Variants in PLEKHA1 observed in about 807,000 individuals in gnomAD.
PLEKHA1 encodes pleckstrin homology domain-containing family A member 1.
A neutral mutation model predicts 52.0 loss-of-function variants in PLEKHA1; 34 were observed. That is an observed-to-expected ratio of 0.65 (90% CI 0.50 to 0.87). The LOEUF (loss-of-function observed/expected upper bound fraction) is 0.87. Among genes scored for constraint, PLEKHA1 ranks in the 40% least tolerant of loss-of-function variants. The pLI, the probability that PLEKHA1 is intolerant of heterozygous loss-of-function variation, is 0.00. For missense variants in PLEKHA1, 497 were observed against 504.2 expected, an observed-to-expected ratio of 0.99 and a Z score of 0.14; for synonymous variants, 163 against 170.7, an observed-to-expected ratio of 0.95 and a Z score of 0.35.
the PLEKHA1 span, chr10:122,438,868 TA>T: frequency 0.77 from 115,017 of 149,082 alleles, 44,873 homozygotes; most frequent in Admixed American, 0.83. Context: ...GCTGATGAGC[TA>T]AAAAAAAAAA....
intron 4 of PLEKHA1, among the ~76,000 whole-genome samples, chr10:122,401,428 G>T (rs2096927552): frequency 6.6e-6 from 1 of 152,098 alleles, no homozygotes; most frequent in Admixed American, 6.6e-5. Flanking sequence ...AGTTAGGGTG[G>T]TGGCAATAGG....
chr10:122,431,644 A>G lies in PLEKHA1; in HGVS notation c.*1706A>G, dbSNP rs2097417924. 1 of 152,680 alleles carries G rather than the reference A, an allele frequency of 6.5e-6. No individual in the cohort carries two copies. The highest frequency in any genetic ancestry group is 2.4e-5 in the African/African-American group (1 of 41,472). The allele number at this position is 152,680 out of a possible 1,614,324, so 9.5% of individuals were successfully genotyped here. Reference sequence around the variant, plus strand: ...TGCAGTCCAGAGGTTAAGATGTATTAGAATTATACAATATCAGTTTAAAAA... The same window carrying G: ...TGCAGTCCAGAGGTTAAGATGTATTGGAATTATACAATATCAGTTTAAAAA... On this transcript the variant is annotated 3_prime_UTR_variant, in exon 12 of 12. Transcript: ENST00000368990.
chr10:122,407,902 A>G (rs1237251420), intron 5 of PLEKHA1, among the ~76,000 whole-genome samples: 1 of 152,216 alleles, frequency 6.6e-6, no homozygotes, highest in Admixed American at 6.5e-5. Context: ...ATATCACAAC[A>G]CAATAAAGAG....
At chr10:122,425,223 T>C in intron 10 of PLEKHA1, 1 of 289,306 alleles carries the variant, frequency 3.5e-6, no homozygotes, top group Non-Finnish European at 6.3e-6. Context: ...GTTAAGTGTG[T>C]ACTTTCAAGT....
chr10:122,420,463 T>C (rs953558822), intron 8 of PLEKHA1: 1 of 152,194 alleles, frequency 6.6e-6, no homozygotes, highest in South Asian at 2.1e-4. Context: ...TTGTCTTGTT[T>C]CTTCTGTTTC....
intron 1 of PLEKHA1, among the ~76,000 whole-genome samples, chr10:122,375,206 C>A (rs552963985): frequency 2.8e-4 from 43 of 152,168 alleles, no homozygotes; most frequent in African/African-American, 9.9e-4. Context: ...CGAGAAATCC[C>A]GCTCGGGGCG....
At chr10:122,375,287 G>C (rs71486610) in intron 1 of PLEKHA1, among the ~76,000 whole-genome samples, 68,984 of 152,036 alleles carry the variant, frequency 0.45, 16,868 homozygotes, top group East Asian at 0.65. Flanking sequence ...CTGTGCCCGC[G>C]GGGCGCGCGT....
At chr10:122,428,440 C>CT in intron 11 of PLEKHA1, 1 of 1,420,768 alleles carries the variant, frequency 7.0e-7, no homozygotes, top group Non-Finnish European at 9.3e-7. Context: ...ACCAAACTGC[C>CT]TTTTGCAGTT....
At chr10:122,394,069 C>CTTTTTTT (rs796831792) in intron 2 of PLEKHA1, among the ~76,000 whole-genome samples, 1 of 97,206 alleles carries the variant, frequency 1.0e-5, no homozygotes. Context: ...ACTTTCTCTA[C>CTTTTTTT]TTTTTTTTTT....
chr10:122,421,612 G>C (rs1235930853), intron 8 of PLEKHA1: 1 of 151,928 alleles, frequency 6.6e-6, no homozygotes, highest in African/African-American at 2.4e-5. Context: ...TTCAATCCTT[G>C]TATAAATTCG....
At chr10:122,421,029 T>C (rs2097253347) in intron 8 of PLEKHA1, 1 of 152,216 alleles carries the variant, frequency 6.6e-6, no homozygotes, top group South Asian at 2.1e-4. Flanking sequence ...GTATGTATGA[T>C]GAGGAATGAA....
intron 2 of PLEKHA1, among the ~76,000 whole-genome samples, chr10:122,395,374 A>G (rs1164809857): frequency 6.6e-6 from 1 of 152,124 alleles, no homozygotes; most frequent in Admixed American, 6.5e-5. Context: ...CAGCCAGTGT[A>G]TTAGCCATTA....
At chr10:122,439,812 T>G in the PLEKHA1 span, 3 of 152,242 alleles carry the variant, frequency 2.0e-5, no homozygotes, top group Non-Finnish European at 4.4e-5. Flanking sequence ...CCTCTCAACC[T>G]GGTGCTCTTT....
Position 122,424,177 on chromosome 10 carries a change from T to TTG in PLEKHA1, c.682-21_682-20insGT, listed in dbSNP as rs2097304195. 8 of 1,381,382 alleles carry TTG rather than the reference T, an allele frequency of 5.8e-6. No homozygotes were observed. In the East Asian group the frequency reaches 2.1e-4, roughly 37 times the overall value. 85.6% of individuals were successfully genotyped at this position (1,381,382 alleles called of 1,614,324 possible). A position where few individuals can be genotyped will look rare whatever the true frequency, so the allele number is the denominator to read the frequency against. On this transcript the variant is annotated intron_variant, in intron 8 of 11. Coordinates refer to ENST00000368990, the MANE Select transcript of PLEKHA1 (RefSeq NM_001001974.4). ...GAATAAACATCATGTAACTGTTTTT[T>TTG]TTTTTTTTTTTTTTTTGCCAGGAAA... is the stretch of plus-strand genomic sequence containing the variant.
In PLEKHA1 at chr10:122,428,327, A is replaced by G. The variant is rs1009081716; in HGVS notation, c.900+1296A>G. 7.1e-6 allele frequency: 11 copies of G among 1,546,746 alleles called. No individual in the cohort carries two copies. The Admixed American group carries it at 2.0e-4, about 28-fold the overall frequency. ...CCCTTGTATACAGAGGTATACATCA[A>G]GAGCTGGTGAATGCAGCACGTATGT... On this transcript the variant is annotated intron_variant, in intron 11 of 11. Coordinates refer to ENST00000368990, the MANE Select transcript of PLEKHA1 (RefSeq NM_001001974.4).
intron 1 of PLEKHA1, among the ~76,000 whole-genome samples, chr10:122,382,804 A>G (rs569112872): frequency 1.3e-5 from 2 of 152,312 alleles, no homozygotes; most frequent in South Asian, 2.1e-4. Flanking sequence ...TTTTAAATAT[A>G]ATCATATCAA....
intron 1 of PLEKHA1, among the ~76,000 whole-genome samples, chr10:122,388,476 A>G (rs1230035064): frequency 6.6e-6 from 1 of 152,142 alleles, no homozygotes; most frequent in East Asian, 1.9e-4. Context: ...TTATTTGACT[A>G]CCTGTGTTCA....
intron 5 of PLEKHA1, among the ~76,000 whole-genome samples, chr10:122,410,185 C>T (rs1380450604): frequency 1.3e-5 from 2 of 152,186 alleles, no homozygotes; most frequent in African/African-American, 4.8e-5. Context: ...ATACTTAAAT[C>T]TGTCTTGTTC....
At chr10:122,399,428 A>C (rs1411887130) in intron 3 of PLEKHA1, among the ~76,000 whole-genome samples, 1 of 152,192 alleles carries the variant, frequency 6.6e-6, no homozygotes, top group Non-Finnish European at 1.5e-5. Context: ...CATGAGCTGC[A>C]TTTAATAAAG....
Sources: gnomAD v4.1 joint callset for allele counts (sites outside exome capture counted in the v4.1 genomes callset) on GRCh38, gnomAD v4.1.1 for gene constraint, MANE v1.5 for transcripts, NCBI Gene and HGNC (gene_info 2026-07-23, HGNC 2026-07-21) for gene names.